Variants in DOCK2 observed in about 807,000 individuals in gnomAD.
DOCK2 encodes dedicator of cytokinesis 2.
Under a neutral mutation model 248.9 loss-of-function variants are expected in DOCK2, and 87 were observed. The observed-to-expected ratio is 0.35, with a 90% CI of 0.29 to 0.42. DOCK2 has a LOEUF of 0.42. Among genes scored for constraint, DOCK2 ranks in the 10% least tolerant of loss-of-function variants. The probability of loss-of-function intolerance (pLI) is 1.00; values close to 1 mark genes in which losing one functional copy is unlikely to be tolerated. For synonymous variants in DOCK2, 805 were observed against 821.6 expected, an observed-to-expected ratio of 0.98 and a Z score of 0.35; for missense variants, 1,747 against 2,300.2, an observed-to-expected ratio of 0.76 and a Z score of 4.92.
chr5:169,999,591 G>A (rs2113801303), intron 30 of DOCK2, among the ~76,000 whole-genome samples: 1 of 152,148 alleles, frequency 6.6e-6, no homozygotes, highest in East Asian at 1.9e-4. Context: ...AAACAGAAGA[G>A]TGGCCAACAT....
chr5:170,047,626 G>T lies in DOCK2; in HGVS notation c.4071+12G>T. On this transcript the variant is annotated intron_variant, in intron 40 of 51. Transcript: ENST00000520908. ...CCTCCTTCCTGCGGGTGAGTTTGGG[G>T]GTGACTTGGACACCAGGCGAGAGCC... 2.5e-6 allele frequency: 4 copies of T among 1,612,994 alleles called. No homozygotes were observed. Among genetic ancestry groups the T allele is most frequent in the Non-Finnish European group, 3.4e-6 (4 of 1,179,322 alleles).
At chr5:170,045,947 G>A in intron 39 of DOCK2, 42 bp downstream of exon 39, 2 of 1,593,448 alleles carry the variant, frequency 1.3e-6, no homozygotes, top group Middle Eastern at 1.7e-4. Context: ...TGCAGGCTGG[G>A]TGCTCAGGGC....
In DOCK2 at chr5:170,069,214, A is replaced by C. The variant is rs758008793; in HGVS notation, c.4722A>C (p.Ala1574=). Residue 1574 remains alanine (A), a synonymous_variant, in exon 46 of 52, where the codon GCA becomes GCC. Coordinates refer to ENST00000520908, the MANE Select transcript of DOCK2 (RefSeq NM_004946.3). ...DKLTHLKDLI[A]WQIPFLGAGI... Reference sequence around the variant, plus strand: ...TGACCCACCTCAAGGACCTGATTGCATGGCAGGTGAGGCAGCGCTGGCCAG... The same window carrying C: ...TGACCCACCTCAAGGACCTGATTGCCTGGCAGGTGAGGCAGCGCTGGCCAG... 6.2e-7 allele frequency: 1 copy of C among 1,613,902 alleles called. No homozygotes were observed. The highest frequency in any genetic ancestry group is 1.1e-5 in the South Asian group (1 of 91,026).
chr5:169,936,432 G>T (rs1775999319), intron 27 of DOCK2, among the ~76,000 whole-genome samples: 2 of 152,052 alleles, frequency 1.3e-5, no homozygotes, highest in South Asian at 2.1e-4. Context: ...ATTCTCAAAG[G>T]TATCACAGCT....
At chr5:169,930,987 G>A (rs530397571) in intron 27 of DOCK2, among the ~76,000 whole-genome samples, 4 of 152,342 alleles carry the variant, frequency 2.6e-5, no homozygotes, top group East Asian at 3.9e-4. Context: ...GCCATGGCAG[G>A]TACTCATGTG....
At position 170,027,855 on chromosome 5, in the gene DOCK2, A is replaced by C; in HGVS notation, c.3382-8A>C. 1 of 1,611,126 alleles carries C rather than the reference A, an allele frequency of 6.2e-7. No individual in the cohort carries two copies. Among genetic ancestry groups the C allele is most frequent in the Non-Finnish European group, 8.5e-7 (1 of 1,178,744 alleles). On this transcript the variant is annotated splice_polypyrimidine_tract_variant and splice_region_variant and intron_variant, in intron 33 of 51. Transcript: ENST00000520908. ...GTTATTGTTGATTTTTGTCTCCTAC[A>C]TCTTCAGTTTGAAAACGAAATCATC...
intron 20 of DOCK2, among the ~76,000 whole-genome samples, chr5:169,716,603 G>T (rs1260171551): frequency 6.6e-6 from 1 of 152,176 alleles, no homozygotes; most frequent in Non-Finnish European, 1.5e-5. Flanking sequence ...TGCTTTCTAT[G>T]AATGTTGGGA....
intron 27 of DOCK2, among the ~76,000 whole-genome samples, chr5:169,941,267 G>A (rs1035163544): frequency 1.3e-5 from 2 of 152,124 alleles, no homozygotes; most frequent in Non-Finnish European, 2.9e-5. Context: ...GGAATGCAAT[G>A]GATAATCTCG....
chr5:169,820,163 C>G (rs1292287151), intron 26 of DOCK2, among the ~76,000 whole-genome samples: 1 of 152,256 alleles, frequency 6.6e-6, no homozygotes, highest in Non-Finnish European at 1.5e-5. Flanking sequence ...TCAAGGAGGC[C>G]TGCATGCCTC....
chr5:169,765,105 C>A (rs563786456), intron 25 of DOCK2, among the ~76,000 whole-genome samples: 3 of 150,876 alleles, frequency 2.0e-5, no homozygotes, highest in East Asian at 3.9e-4. Context: ...CACACACACC[C>A]CACACACAGT....
intron 30 of DOCK2, chr5:169,997,873 C>T (rs1359529028): frequency 1.1e-5 from 5 of 454,180 alleles, no homozygotes; most frequent in African/African-American, 8.0e-5. Flanking sequence ...TCTGGGCTTT[C>T]GCCTCTCAGA....
chr5:170,082,043 A>G, intron 51 of DOCK2, 59 bp downstream of exon 51: 2 of 1,589,882 alleles, frequency 1.3e-6, no homozygotes. Context: ...GGAAGAGAGC[A>G]ATGCAGAGAG....
intron 26 of DOCK2, among the ~76,000 whole-genome samples, chr5:169,821,572 A>C (rs936643683): frequency 1.1e-4 from 16 of 152,298 alleles, no homozygotes; most frequent in African/African-American, 3.4e-4. Flanking sequence ...GCAAATGCTA[A>C]GAGATTTTGT....
chr5:169,724,994 A>G (rs1216180613), intron 22 of DOCK2, among the ~76,000 whole-genome samples: 1 of 152,036 alleles, frequency 6.6e-6, no homozygotes, highest in African/African-American at 2.4e-5. Context: ...TATGAATTTA[A>G]CTCAGAGGTG....
intron 27 of DOCK2, among the ~76,000 whole-genome samples, chr5:169,968,817 C>T (rs951016990): frequency 6.6e-6 from 1 of 152,148 alleles, no homozygotes; most frequent in African/African-American, 2.4e-5. Context: ...ATGGACTGCC[C>T]TGTTCTACCT....
chr5:169,661,379 A>G (rs1387321778), intron 2 of DOCK2, among the ~76,000 whole-genome samples: 3 of 152,234 alleles, frequency 2.0e-5, no homozygotes, highest in African/African-American at 7.2e-5. Flanking sequence ...GTAGTAAGGT[A>G]GTAAGATAGT....
intron 27 of DOCK2, among the ~76,000 whole-genome samples, chr5:169,897,238 G>A (rs1160951110): frequency 6.6e-6 from 1 of 152,074 alleles, no homozygotes; most frequent in Non-Finnish European, 1.5e-5. Flanking sequence ...AGGCTGGAGT[G>A]CATTGGCATG....
rs533800253 is a variant in DOCK2 at position 170,039,544 on chromosome 5, G to A, written c.3666-1511G>A. Among the ~76,000 whole-genome samples, 345 of 152,240 alleles carry A rather than the reference G, an allele frequency of 2.3e-3. 1 individual carries two copies. The highest frequency in any genetic ancestry group is 7.8e-3 in the African/African-American group (326 of 41,548). On this transcript the variant is annotated intron_variant, in intron 36 of 51. Coordinates refer to ENST00000520908, the MANE Select transcript of DOCK2 (RefSeq NM_004946.3). ...AAGTGAATGAACAAAAGACTGCCAG[G>A]GCATCCCAGCACAGCAGCTATCAAA...
At position 169,666,238 on chromosome 5, in the gene DOCK2, C is replaced by A. The variant is rs141284456; in HGVS notation, c.128-3050C>A. ...AACTCTCCTGTAAGGGCACTAATCCCATTCATAAAGGCTCCATTCTCATGA... is the reference window on the plus strand; with the variant it reads ...AACTCTCCTGTAAGGGCACTAATCCAATTCATAAAGGCTCCATTCTCATGA... On this transcript the variant is annotated intron_variant, in intron 2 of 51. Transcript: ENST00000520908. 2.9e-3 allele frequency among the ~76,000 whole-genome samples: 445 copies of A among 152,242 alleles called. 1 individual carries two copies. Among genetic ancestry groups the A allele is most frequent in the African/African-American group, 0.01 (420 of 41,552 alleles).
Sources: gnomAD v4.1 joint callset for allele counts (sites outside exome capture counted in the v4.1 genomes callset) on GRCh38, gnomAD v4.1.1 for gene constraint, MANE v1.5 for transcripts, NCBI Gene and HGNC (gene_info 2026-07-23, HGNC 2026-07-21) for gene names.